The following ARHGAP42 variants were observed in gnomAD, a reference collection of about 807,000 sequenced individuals.
ARHGAP42 encodes rho GTPase-activating protein 42.
Under a neutral mutation model 125.0 loss-of-function variants are expected in ARHGAP42, and 63 were observed. That is an observed-to-expected ratio of 0.50 (90% CI 0.41 to 0.62). The LOEUF (loss-of-function observed/expected upper bound fraction) is 0.62, where lower values mean the gene tolerates loss of function less well. Ranked by LOEUF, ARHGAP42 falls within the 20% of genes least tolerant of loss-of-function variation. ARHGAP42 has a pLI of 0.00. For missense variants in ARHGAP42, 766 were observed against 1,024.2 expected, an observed-to-expected ratio of 0.75 and a Z score of 3.44; for synonymous variants, 339 against 351.0, an observed-to-expected ratio of 0.97 and a Z score of 0.38.
At chr11:100,962,538 A>G (rs1461680483) in intron 16 of ARHGAP42, 71 bp downstream of exon 16, 2 of 1,317,358 alleles carry the variant, frequency 1.5e-6, no homozygotes, top group African/African-American at 1.5e-5. Flanking sequence ...GGCATATATT[A>G]CTAGTATCAG....
chr11:100,787,272 C>T lies in ARHGAP42; in HGVS notation c.251-7833C>T, dbSNP rs548665124. Among the ~76,000 whole-genome samples the T allele has an allele frequency of 1.1e-4, 17 of 149,842 alleles. No homozygotes were observed. The East Asian group carries it at 2.0e-3, about 17-fold the overall frequency. On this transcript the variant is annotated intron_variant, in intron 2 of 23. Coordinates refer to ENST00000298815, the MANE Select transcript of ARHGAP42 (RefSeq NM_152432.4). ...CAGCCTGGGGAACAGAGTGAGACTC[C>T]GTCTCAAAAAAAAAAAAAAGTGGCA...
intron 1 of ARHGAP42, among the ~76,000 whole-genome samples, chr11:100,755,191 G>A (rs2120353923): frequency 6.6e-6 from 1 of 152,300 alleles, no homozygotes; most frequent in African/African-American, 2.4e-5. Context: ...ACATGTGCAT[G>A]CACGCACATA....
chr11:100,717,561 C>T (rs1449986027), intron 1 of ARHGAP42, among the ~76,000 whole-genome samples: 1 of 144,888 alleles, frequency 6.9e-6, no homozygotes, highest in African/African-American at 2.6e-5. Flanking sequence ...GGCATGAACC[C>T]GGGAGGTGGA....
rs1179765018 is a variant in ARHGAP42 at position 100,993,801 on chromosome 11, G to C, written c.*5000G>C. 1 of 166,902 alleles carries C rather than the reference G, an allele frequency of 6.0e-6. No homozygotes were observed. Among genetic ancestry groups the C allele is most frequent in the Non-Finnish European group, 1.5e-5 (1 of 68,086 alleles). 10.3% of individuals were successfully genotyped at this position (166,902 alleles called of 1,614,324 possible). ...AGTGTTCTGTATTTATCTGCACTTT[G>C]TGTATATATACACACATACATATGC... On this transcript the variant is annotated 3_prime_UTR_variant, in exon 24 of 24. Transcript: ENST00000298815.
chr11:100,708,144 G>T (rs1365481910), intron 1 of ARHGAP42, among the ~76,000 whole-genome samples: 1 of 152,080 alleles, frequency 6.6e-6, no homozygotes, highest in African/African-American at 2.4e-5. Flanking sequence ...AATAATAATG[G>T]TAATGCCTCC....
chr11:100,937,212 T>C (rs1867760497), intron 8 of ARHGAP42, among the ~76,000 whole-genome samples: 1 of 152,186 alleles, frequency 6.6e-6, no homozygotes, highest in African/African-American at 2.4e-5. Flanking sequence ...GATCTGGGTT[T>C]TAGAATGTTT....
chr11:100,916,108 G>A (rs1454495233), intron 5 of ARHGAP42, among the ~76,000 whole-genome samples: 1 of 152,014 alleles, frequency 6.6e-6, no homozygotes, highest in East Asian at 1.9e-4. Flanking sequence ...TGAATTGAAG[G>A]GTCATCTTTT....
intron 4 of ARHGAP42, among the ~76,000 whole-genome samples, chr11:100,911,800 C>T (rs1866926392): frequency 6.6e-6 from 1 of 152,152 alleles, no homozygotes; most frequent in Admixed American, 6.5e-5. Flanking sequence ...TTTCTTAACA[C>T]ACCTTTTGTG....
At chr11:100,733,826 A>G (rs1289611053) in intron 1 of ARHGAP42, among the ~76,000 whole-genome samples, 12 of 53,462 alleles carry the variant, frequency 2.2e-4, no homozygotes, top group African/African-American at 7.1e-4. Flanking sequence ...TTCTGTCTGG[A>G]AAAAAAAAAA....
intron 4 of ARHGAP42, among the ~76,000 whole-genome samples, chr11:100,899,714 TGTGTTTTGTTTTTTTTTTTG>T (rs1320846419): frequency 1.2e-5 from 1 of 82,462 alleles, no homozygotes; most frequent in Admixed American, 1.2e-4. Context: ...TGTTTTGTTT[TGTGTTTTGTTTTTTTTTTTG>T]TTTTTTTTTG....
chr11:100,776,416 A>C (rs1251772808), intron 2 of ARHGAP42, among the ~76,000 whole-genome samples: 2 of 152,238 alleles, frequency 1.3e-5, no homozygotes, highest in East Asian at 3.9e-4. Flanking sequence ...TTGCTAGTAA[A>C]TATTTTTGGT....
At chr11:100,892,620 C>G (rs1016110918) in intron 4 of ARHGAP42, among the ~76,000 whole-genome samples, 1 of 152,066 alleles carries the variant, frequency 6.6e-6, no homozygotes, top group African/African-American at 2.4e-5. Context: ...TAGTGGCATT[C>G]GTGAAGATGA....
chr11:100,868,218 T>C (rs1318594417), intron 4 of ARHGAP42, among the ~76,000 whole-genome samples: 7 of 152,198 alleles, frequency 4.6e-5, no homozygotes, highest in African/African-American at 9.7e-5. Context: ...ACCTTCAATT[T>C]GTAAAAAAAT....
chr11:100,888,242 A>AG (rs1866140458), intron 4 of ARHGAP42, among the ~76,000 whole-genome samples: 1 of 152,126 alleles, frequency 6.6e-6, no homozygotes, highest in South Asian at 2.1e-4. Context: ...CTTTTAAAAA[A>AG]AAAAAGCTTT....
chr11:100,940,767 A>G (rs1245543835), intron 8 of ARHGAP42, among the ~76,000 whole-genome samples: 1 of 152,114 alleles, frequency 6.6e-6, no homozygotes, highest in Non-Finnish European at 1.5e-5. Flanking sequence ...TGCGTGATTC[A>G]TTCCTTTATT....
At chr11:100,842,558 A>G (rs1864967848) in intron 3 of ARHGAP42, among the ~76,000 whole-genome samples, 2 of 152,114 alleles carry the variant, frequency 1.3e-5, no homozygotes, top group African/African-American at 4.8e-5. Context: ...GTTAGGAAGC[A>G]TGGAGCAAAG....
chr11:100,958,325 C>T (rs181945681), intron 12 of ARHGAP42, among the ~76,000 whole-genome samples: 127 of 152,190 alleles, frequency 8.3e-4, no homozygotes, highest in African/African-American at 1.5e-3. Flanking sequence ...ATTAGCTGCA[C>T]TCTGATGAGA....
intron 14 of ARHGAP42, 80 bp downstream of exon 14, chr11:100,961,069 T>C (rs1228468410): frequency 4.6e-6 from 4 of 878,590 alleles, no homozygotes; most frequent in Non-Finnish European, 6.6e-6. Flanking sequence ...TGACTAGTGC[T>C]TGTCTTTGAA....
chr11:100,940,749 G>A (rs1254539905), intron 8 of ARHGAP42, among the ~76,000 whole-genome samples: 1 of 152,138 alleles, frequency 6.6e-6, no homozygotes, highest in Non-Finnish European at 1.5e-5. Context: ...ACTTAGTGAA[G>A]TCTTAGATGC....
Sources: gnomAD v4.1 joint callset for allele counts (sites outside exome capture counted in the v4.1 genomes callset) on GRCh38, gnomAD v4.1.1 for gene constraint, MANE v1.5 for transcripts, NCBI Gene and HGNC (gene_info 2026-07-23, HGNC 2026-07-21) for gene names.